The following NF2 variants were observed in gnomAD, a reference collection of about 807,000 sequenced individuals.
NF2 encodes NF2, moesin-ezrin-radixin like (MERLIN) tumor suppressor, also known as merlin.
Under a neutral mutation model 83.7 loss-of-function variants are expected in NF2, and 8 were observed. The observed-to-expected ratio is 0.10, with a 90% CI of 0.06 to 0.17. The LOEUF (loss-of-function observed/expected upper bound fraction) is 0.17, where lower values mean the gene tolerates loss of function less well. Among genes scored for constraint, NF2 ranks in the 10% least tolerant of loss-of-function variants. NF2 has a pLI of 1.00. For missense variants in NF2, 533 were observed against 744.4 expected (o/e 0.72, Z 3.31); for synonymous variants, 266 against 269.6 (o/e 0.99, Z 0.13).
chr22:29,673,232 A>G (rs1171393598), intron 11 of NF2, 37 bp from the exon 12 acceptor site: 1 of 1,549,602 alleles, frequency 6.5e-7, no homozygotes, highest in South Asian at 1.2e-5. Context: ...AGAACAGCAC[A>G]TGATCCCACT....
chr22:29,687,560 C>T (rs1325987012), intron 15 of NF2, among the ~76,000 whole-genome samples: 1 of 152,198 alleles, frequency 6.6e-6, no homozygotes, highest in Non-Finnish European at 1.5e-5. Context: ...GACCTCTGGT[C>T]TGCATTGCCA....
chr22:29,664,529 G>A (rs2066564290), intron 8 of NF2, among the ~76,000 whole-genome samples: 1 of 152,126 alleles, frequency 6.6e-6, no homozygotes, highest in Non-Finnish European at 1.5e-5. Context: ...TCTTGCTTAT[G>A]GTGGATCTAC....
At chr22:29,621,729 G>A (rs553484458) in intron 1 of NF2, among the ~76,000 whole-genome samples, 7 of 152,142 alleles carry the variant, frequency 4.6e-5, no homozygotes, top group African/African-American at 1.4e-4. Context: ...AGTGCCTGTC[G>A]TTAGCTTGCT....
At position 29,698,377 on chromosome 22, in the gene NF2, G is replaced by A. The variant is rs41278851; in HGVS notation, c.*3575G>A. ...CCTCACCACCCCTGGAGGGAGCAGC[G>A]TTGGCAGGGAGACAGCCTGGCCCAG... On this transcript the variant is annotated 3_prime_UTR_variant, in exon 16 of 16. Transcript: ENST00000338641. The A allele has an allele frequency of 0.019, 4,271 of 220,216 alleles. 59 individuals carry two copies. The highest frequency in any genetic ancestry group is 0.03 in the Non-Finnish European group (3,316 of 109,808). 13.6% of individuals were successfully genotyped at this position (220,216 alleles called of 1,614,324 possible). A position where few individuals can be genotyped will look rare whatever the true frequency, so the allele number is the denominator to read the frequency against.
At chr22:29,669,440 G>T (rs1198774568) in intron 10 of NF2, among the ~76,000 whole-genome samples, 1 of 152,206 alleles carries the variant, frequency 6.6e-6, no homozygotes, top group African/African-American at 2.4e-5. Flanking sequence ...CTAGGAATTT[G>T]AGGCTGCAGT....
At chr22:29,635,139 C>T (rs558205731) in intron 1 of NF2, among the ~76,000 whole-genome samples, 313 of 152,172 alleles carry the variant, frequency 2.1e-3, no homozygotes, top group African/African-American at 7.0e-3. Context: ...TGACTGCAAA[C>T]ACAGAGAAGG....
At chr22:29,677,147 A>C (rs759150868) in intron 13 of NF2, among the ~76,000 whole-genome samples, 155 of 152,322 alleles carry the variant, frequency 1.0e-3, no homozygotes, top group Non-Finnish European at 1.7e-3. Flanking sequence ...AAACTTGCAA[A>C]TAGTAGAAAG....
intron 1 of NF2, among the ~76,000 whole-genome samples, chr22:29,625,214 A>G (rs1267560921): frequency 6.6e-6 from 1 of 152,280 alleles, no homozygotes; most frequent in East Asian, 1.9e-4. Flanking sequence ...GGCACGAGCC[A>G]TTGCACCCGG....
intron 1 of NF2, among the ~76,000 whole-genome samples, chr22:29,611,279 T>C (rs1242002856): frequency 2.0e-5 from 3 of 152,184 alleles, no homozygotes; most frequent in Non-Finnish European, 4.4e-5. Context: ...CCTAACACTT[T>C]AGGAGGCCAA....
rs776970251 is a variant in NF2 at position 29,673,389 on chromosome 22, A to C, written c.1243A>C (p.Thr415Pro). ...GCAGGAAATGCAGCGCATCAAGGCC[A>C]CAGCGATTCGCACGGAGGAGGAGAA... ...AEQEMQRIKA[T>P]AIRTEEEKRL... is the part of the protein sequence containing the mutation. The change falls in exon 12 of 16, where the codon ACA (threonine) becomes CCA (proline). Residue 415 changes from threonine (T) to proline (P), a missense_variant. Thr to Pro is a conservative substitution (Grantham distance 38, BLOSUM62 -1). Around this residue, in one of 3 missense-constraint regions of NF2, gnomAD observed 199 missense variants for 240.7 expected, o/e 0.83. Transcript: ENST00000338641. 6.2e-7 allele frequency: 1 copy of C among 1,612,054 alleles called. No homozygotes were observed. Among genetic ancestry groups the C allele is most frequent in the South Asian group, 1.1e-5 (1 of 90,202 alleles).
rs1444025233 is a variant in NF2, at chr22:29,603,970, G to A, written c.-29G>A. The A allele has an allele frequency of 2.6e-6, 4 of 1,514,422 alleles. No individual in the cohort carries two copies. In the Admixed American group the frequency reaches 7.8e-5, roughly 29 times the overall value. 93.8% of individuals were successfully genotyped at this position (1,514,422 alleles called of 1,614,324 possible). ...GGGCTCAGAGTGCAGGCCGTGGGGC[G>A]CGAGGGTCCCGGGCCTGAGCCCCGC... On this transcript the variant is annotated 5_prime_UTR_variant, in exon 1 of 16. Coordinates refer to ENST00000338641, the MANE Select transcript of NF2 (RefSeq NM_000268.4).
intron 3 of NF2, among the ~76,000 whole-genome samples, chr22:29,640,194 TAAAAAAA>T (rs11379333): frequency 3.2e-5 from 3 of 92,794 alleles, no homozygotes; most frequent in African/African-American, 7.9e-5. Flanking sequence ...GACTCTGTCT[TAAAAAAA>T]AAAAAAAAAA....
chr22:29,680,199 C>A (rs187873332), intron 14 of NF2, among the ~76,000 whole-genome samples: 1 of 152,080 alleles, frequency 6.6e-6, no homozygotes, highest in East Asian at 2.0e-4. Context: ...GTAACCTCCA[C>A]CTCCTGGGTG....
rs774264046 is a variant in NF2 at position 29,681,502 on chromosome 22, C to T, written c.1638C>T (p.Ile546=). Residue 546 remains isoleucine, a synonymous_variant, in exon 15 of 16, where the codon ATC becomes ATT. Coordinates refer to ENST00000338641, the MANE Select transcript of NF2 (RefSeq NM_000268.4). The part of the protein sequence containing the change: ...QEQLNELKTE[I]EALKLKERET... ...AGCTCAATGAACTCAAGACAGAAAT[C>T]GAGGCCTTGAAACTGAAAGAGAGGG... 23 of 1,614,026 alleles carry T rather than the reference C, an allele frequency of 1.4e-5. No individual in the cohort carries two copies. The highest frequency in any genetic ancestry group is 6.6e-5 in the South Asian group (6 of 91,088).
intron 14 of NF2, among the ~76,000 whole-genome samples, chr22:29,680,268 C>A (rs531069592): frequency 6.6e-6 from 1 of 152,142 alleles, no homozygotes; most frequent in Non-Finnish European, 1.5e-5. Flanking sequence ...CATGCTATCA[C>A]GCCCAGCTAA....
chr22:29,687,625 A>G (rs9625851), intron 15 of NF2, among the ~76,000 whole-genome samples: 1 of 152,116 alleles, frequency 6.6e-6, no homozygotes, highest in Non-Finnish European at 1.5e-5. Flanking sequence ...AATATAGCCA[A>G]CCCTCCTTAT....
At chr22:29,654,631 G>C (rs767571774) in intron 4 of NF2, 26 bp from the exon 5 acceptor site, 1 of 1,605,216 alleles carries the variant, frequency 6.2e-7, no homozygotes, top group Non-Finnish European at 8.5e-7. Flanking sequence ...AATCTCAATC[G>C]CCTGCTCTCC....
chr22:29,614,134 C>T (rs999970122), intron 1 of NF2, among the ~76,000 whole-genome samples: 1 of 151,680 alleles, frequency 6.6e-6, no homozygotes, highest in Non-Finnish European at 1.5e-5. Flanking sequence ...AAACCCTTAC[C>T]TCACACTACA....
At chr22:29,643,945 C>CG (rs2065893042) in intron 4 of NF2, among the ~76,000 whole-genome samples, 1 of 130,874 alleles carries the variant, frequency 7.6e-6, no homozygotes, top group Admixed American at 7.5e-5. Flanking sequence ...CCCTCCCGGA[C>CG]GGGGCGGCTG....
Sources: allele counts gnomAD v4.1 joint callset (sites outside exome capture counted in the v4.1 genomes callset), GRCh38; gene constraint gnomAD v4.1.1; regional missense constraint gnomAD v4.1.1; transcripts MANE v1.5; gene names NCBI Gene and HGNC (gene_info 2026-07-23, HGNC 2026-07-21).